Variants in KLHL18 observed in about 807,000 individuals in gnomAD.
The protein encoded by KLHL18 is kelch like family member 18, also known as kelch-like protein 18.
Under a neutral mutation model 58.5 loss-of-function variants are expected in KLHL18, and 38 were observed. The observed-to-expected ratio is 0.65, with a 90% CI of 0.50 to 0.85. The LOEUF (loss-of-function observed/expected upper bound fraction) is 0.85, where lower values mean the gene tolerates loss of function less well. KLHL18 is among the 40% of genes least tolerant of loss of function. The pLI is 0.00. For synonymous variants in KLHL18, 303 were observed against 301.9 expected (o/e 1.00, Z -0.04); for missense variants, 624 against 778.4 (o/e 0.80, Z 2.36).
At chr3:47,300,287 TTATATATATATATA>T (rs1207306389) in intron 1 of KLHL18, among the ~76,000 whole-genome samples, 1 of 133,136 alleles carries the variant, frequency 7.5e-6, no homozygotes, top group Non-Finnish European at 1.6e-5. Flanking sequence ...CACCGGCATT[TTATATATATATATA>T]TATATATATG....
At chr3:47,340,744 GT>G in intron 8 of KLHL18, 68 bp downstream of exon 8, 4 of 1,579,462 alleles carry the variant, frequency 2.5e-6, no homozygotes, top group Non-Finnish European at 1.7e-6. Context: ...CAGAACTGTA[GT>G]TTTTTTAATT....
At chr3:47,300,637 CTTTTTT>C (rs10687949) in intron 1 of KLHL18, among the ~76,000 whole-genome samples, 2 of 76,922 alleles carry the variant, frequency 2.6e-5, no homozygotes, top group African/African-American at 5.0e-5. Flanking sequence ...CATTGTGATT[CTTTTTT>C]TTTTTTTTTT....
chr3:47,301,154 T>G (rs955508730), intron 1 of KLHL18, among the ~76,000 whole-genome samples: 2 of 152,144 alleles, frequency 1.3e-5, no homozygotes, highest in Admixed American at 1.3e-4. Flanking sequence ...GTATGTAGTT[T>G]GCAGATATAT....
Position 47,334,683 on chromosome 3 carries a change from G to C in KLHL18, c.762G>C (p.Arg254Ser), listed in dbSNP as rs750079866. ...TCTAGCATCTTCCACCTTATTCTAGGGACCTGGTAGACGAAGCAAAGGACT... is the reference window on the plus strand; with the variant it reads ...TCTAGCATCTTCCACCTTATTCTAGCGACCTGGTAGACGAAGCAAAGGACT... ...DDLVRCCHKC[R>S]DLVDEAKDYH... is the part of the protein sequence containing the mutation. The change falls in exon 6 of 10, where the codon AGG (arginine) becomes AGC (serine). Residue 254 changes from arginine (R) to serine (S), a missense_variant and splice_region_variant. Physicochemically the swap from Arg to Ser is moderately radical, Grantham distance 110. Transcript: ENST00000232766. This position sits in a 1 kb window ranked among gnomAD's most constrained non-coding sequence, Gnocchi z 4.7. The C allele has an allele frequency of 6.2e-6, 10 of 1,613,946 alleles. No homozygotes were observed. In the South Asian group the frequency reaches 9.9e-5, roughly 16 times the overall value.
At chr3:47,287,673 C>G (rs1417703168) in intron 1 of KLHL18, among the ~76,000 whole-genome samples, 1 of 151,986 alleles carries the variant, frequency 6.6e-6, no homozygotes, top group Non-Finnish European at 1.5e-5. Context: ...TTTGTAGAGA[C>G]AGGGTTTTAC....
chr3:47,288,012 A>G (rs1702713074), intron 1 of KLHL18, among the ~76,000 whole-genome samples: 2 of 151,980 alleles, frequency 1.3e-5, no homozygotes, highest in Admixed American at 6.6e-5. Context: ...CACGAGATCA[A>G]GAGATCAAGA....
At chr3:47,342,288 A>C (rs560023268) in intron 8 of KLHL18, among the ~76,000 whole-genome samples, 1 of 152,232 alleles carries the variant, frequency 6.6e-6, no homozygotes, top group South Asian at 2.1e-4. Context: ...GGGGTAGGGC[A>C]CTGGTAGTGG....
At chr3:47,292,030 C>G (rs904460069) in intron 1 of KLHL18, among the ~76,000 whole-genome samples, 2 of 152,150 alleles carry the variant, frequency 1.3e-5, no homozygotes, top group African/African-American at 4.8e-5. Context: ...GGCCAGAGAC[C>G]CTGATGGCTC....
rs947116656 is a variant in KLHL18, at chr3:47,294,832, G to A, written c.129+11738G>A. Among the ~76,000 whole-genome samples the A allele has an allele frequency of 3.3e-5, 5 of 152,306 alleles. No individual in the cohort carries two copies. The East Asian group carries it at 7.7e-4, about 24-fold the overall frequency. On this transcript the variant is annotated intron_variant, in intron 1 of 9. Transcript: ENST00000232766. ...CCATGGTTCATGAAGACAGCACTGC[G>A]TTTTGCTTGCACTTTCCCCTTCGGT...
chr3:47,298,077 T>C (rs576128619), intron 1 of KLHL18, among the ~76,000 whole-genome samples: 1 of 151,732 alleles, frequency 6.6e-6, no homozygotes, highest in Non-Finnish European at 1.5e-5. Flanking sequence ...AGAGTCATGG[T>C]GGGGGATAAA....
chr3:47,315,808 G>A (rs1703408281), intron 1 of KLHL18, among the ~76,000 whole-genome samples: 1 of 152,182 alleles, frequency 6.6e-6, no homozygotes, highest in East Asian at 1.9e-4. Flanking sequence ...AAGAAAAAAA[G>A]TTGTAACTAT....
chr3:47,344,068 G>C lies in KLHL18; in HGVS notation c.*127G>C. ...GAAACGTGAGCTCGCCGGAGGTACA[G>C]TTTTTCCAGGTGCTTAAGCCCTCCC... On this transcript the variant is annotated 3_prime_UTR_variant, in exon 10 of 10. Transcript: ENST00000232766. 1 of 1,244,680 alleles carries C rather than the reference G, an allele frequency of 8.0e-7. No homozygotes were observed. 77.1% of individuals were successfully genotyped at this position (1,244,680 alleles called of 1,614,324 possible).
At chr3:47,295,493 A>T (rs142194108) in intron 1 of KLHL18, among the ~76,000 whole-genome samples, 1 of 152,108 alleles carries the variant, frequency 6.6e-6, no homozygotes, top group East Asian at 1.9e-4. Flanking sequence ...CCATGCTTCA[A>T]GCTTTCTTCC....
At chr3:47,312,722 C>T (rs1272413805) in intron 1 of KLHL18, among the ~76,000 whole-genome samples, 2 of 152,168 alleles carry the variant, frequency 1.3e-5, no homozygotes, top group African/African-American at 2.4e-5. Flanking sequence ...CTCCCTCCGC[C>T]CCCTGAGAGG....
At chr3:47,321,855 A>G (rs1011943449) in intron 2 of KLHL18, among the ~76,000 whole-genome samples, 2 of 152,204 alleles carry the variant, frequency 1.3e-5, no homozygotes, top group African/African-American at 4.8e-5. Flanking sequence ...GGAATGAGCC[A>G]TCTGGGGGAA....
At chr3:47,314,773 T>C (rs1703383652) in intron 1 of KLHL18, among the ~76,000 whole-genome samples, 1 of 152,258 alleles carries the variant, frequency 6.6e-6, no homozygotes, top group South Asian at 2.1e-4. Context: ...GACTATCCTT[T>C]AGCTATTCCT....
At chr3:47,294,137 G>T (rs369677815) in intron 1 of KLHL18, among the ~76,000 whole-genome samples, 4 of 152,274 alleles carry the variant, frequency 2.6e-5, no homozygotes, top group African/African-American at 7.2e-5. Flanking sequence ...CCTACTAACA[G>T]ATTGTTTTTC....
At chr3:47,292,209 T>C (rs1011027788) in intron 1 of KLHL18, among the ~76,000 whole-genome samples, 2 of 152,194 alleles carry the variant, frequency 1.3e-5, no homozygotes, top group Admixed American at 1.3e-4. Context: ...AAAATGCTTT[T>C]CACGCCTGTA....
chr3:47,283,673 G>T (rs1324729278), intron 1 of KLHL18, among the ~76,000 whole-genome samples: 1 of 152,178 alleles, frequency 6.6e-6, no homozygotes, highest in Non-Finnish European at 1.5e-5. Context: ...AAAGGTCCCC[G>T]GGGCTGGGCC....
Sources: gnomAD v4.1 joint callset for allele counts (sites outside exome capture counted in the v4.1 genomes callset) on GRCh38, gnomAD v4.1.1 for gene constraint, Gnocchi (gnomAD v3.1) non-coding constraint, MANE v1.5 for transcripts, NCBI Gene and HGNC (gene_info 2026-07-23, HGNC 2026-07-21) for gene names.